SCYL3: variants seen among roughly 807,000 people sequenced by gnomAD.
SCYL3 encodes the protein SCY1 like pseudokinase 3, also known as protein-associating with the carboxyl-terminal domain of ezrin.
SCYL3 carries 35 observed loss-of-function variants against 73.8 expected under a neutral mutation model. The observed-to-expected ratio is 0.47, with a 90% confidence interval of 0.36 to 0.63. The LOEUF (loss-of-function observed/expected upper bound fraction) is 0.63. Among genes scored for constraint, SCYL3 ranks in the 20% least tolerant of loss-of-function variants. SCYL3 has a pLI of 0.00. For synonymous variants in SCYL3, 277 were observed against 295.2 expected (o/e 0.94, Z 0.63); for missense variants, 712 against 798.9 (o/e 0.89, Z 1.31).
intron 1 of SCYL3, among the ~76,000 whole-genome samples, chr1:169,892,192 G>A (rs1314380463): frequency 1.3e-5 from 2 of 152,212 alleles, no homozygotes; most frequent in Non-Finnish European, 2.9e-5. Context: ...TTTTGAAGCA[G>A]TAATTCTTCA....
At chr1:169,865,894 C>A (rs1660001600) in intron 8 of SCYL3, among the ~76,000 whole-genome samples, 1 of 152,174 alleles carries the variant, frequency 6.6e-6, no homozygotes, top group Non-Finnish European at 1.5e-5. Flanking sequence ...CTCCTTCCCA[C>A]CAGCCCCCTT....
chr1:169,873,429 C>T (rs973405923), intron 5 of SCYL3, among the ~76,000 whole-genome samples: 8 of 152,296 alleles, frequency 5.3e-5, no homozygotes, highest in Admixed American at 5.2e-4. Flanking sequence ...ACTAATACAA[C>T]TACTTATCGT....
Position 169,850,751 on chromosome 1 carries a change from A to G in SCYL3, c.*2962T>C, listed in dbSNP as rs7519364. ...GTAGAGATTGCAGTAAGCCAAGATC[A>G]TGCCACTGCACTCCAGCCTGAGCGA... is the stretch of plus-strand genomic sequence containing the variant. On this transcript the variant is annotated 3_prime_UTR_variant, in exon 13 of 13. Coordinates refer to ENST00000367771, the MANE Select transcript of SCYL3 (RefSeq NM_020423.7). 130,363 of 164,046 alleles carry G rather than the reference A, an allele frequency of 0.79. 52,720 individuals carry two copies. Among genetic ancestry groups the G allele is most frequent in the African/African-American group, 0.95 (39,796 of 41,818 alleles). The allele number at this position is 164,046 out of a possible 1,614,324, so 10.2% of individuals were successfully genotyped here. A position where few individuals can be genotyped will look rare whatever the true frequency, so the allele number is the denominator to read the frequency against.
chr1:169,854,569 T>C lies in SCYL3; in HGVS notation c.1708A>G (p.Ser570Gly). 6.2e-7 allele frequency: 1 copy of C among 1,613,940 alleles called. No individual in the cohort carries two copies. The highest frequency in any genetic ancestry group is 8.5e-7 in the Non-Finnish European group (1 of 1,179,912). The change falls in exon 12 of 13, where the codon AGC becomes GGC. Residue 570 changes from serine (S) to glycine (G), a missense_variant. Around this residue, in one of 2 missense-constraint regions of SCYL3, gnomAD observed 370 missense variants for 350.8 expected, o/e 1.05. Coordinates refer to ENST00000367771, the MANE Select transcript of SCYL3 (RefSeq NM_020423.7). ...GCGTCATCCCCCCTTTGTACAAGGC[T>C]AATCTTTTGGGGTAAGCTTGATTTC... ...PWKSSLPQKI[S>G]LVQRGDDADQ... is the part of the protein sequence containing the mutation.
At chr1:169,868,746 C>A (rs949491883) in intron 7 of SCYL3, among the ~76,000 whole-genome samples, 182 bp downstream of exon 7, 3 of 152,162 alleles carry the variant, frequency 2.0e-5, no homozygotes, top group African/African-American at 7.2e-5. Flanking sequence ...AGGAAACTGA[C>A]AGACAACCCA....
intron 6 of SCYL3, among the ~76,000 whole-genome samples, chr1:169,869,551 T>C (rs556160689): frequency 1.3e-5 from 2 of 152,356 alleles, no homozygotes; most frequent in Non-Finnish European, 2.9e-5. Context: ...ATCAGAACAC[T>C]GCATAAGCCT....
intron 3 of SCYL3, among the ~76,000 whole-genome samples, chr1:169,877,750 C>G (rs1034713576): frequency 1.3e-5 from 2 of 152,174 alleles, no homozygotes; most frequent in Admixed American, 1.3e-4. Context: ...ACTGTACAAA[C>G]TTTTTAACCA....
intron 1 of SCYL3, among the ~76,000 whole-genome samples, chr1:169,891,567 GTC>G (rs1321737201): frequency 6.6e-6 from 1 of 152,194 alleles, no homozygotes; most frequent in Admixed American, 6.5e-5. Flanking sequence ...TAGTCTGACC[GTC>G]TCTCTCTCAC....
intron 2 of SCYL3, among the ~76,000 whole-genome samples, chr1:169,885,600 CTTTT>C (rs763879073): frequency 6.8e-6 from 1 of 147,530 alleles, no homozygotes; most frequent in Non-Finnish European, 1.5e-5. Flanking sequence ...AATGCAGATG[CTTTT>C]TTTTTTGTAA....
At position 169,854,573 on chromosome 1, in the gene SCYL3, C is replaced by T; in HGVS notation, c.1704G>A (p.Lys568=). The T allele has an allele frequency of 6.2e-7, 1 of 1,613,844 alleles. No individual in the cohort carries two copies. The change falls in exon 12 of 13, where the codon AAG becomes AAA. Residue 568 remains lysine (K), a synonymous_variant. Transcript: ENST00000367771. ...SMPWKSSLPQ[K]ISLVQRGDDA... ...CATCCCCCCTTTGTACAAGGCTAAT[C>T]TTTTGGGGTAAGCTTGATTTCCAAG...
At chr1:169,865,359 C>A (rs985580749) in intron 8 of SCYL3, among the ~76,000 whole-genome samples, 1 of 152,176 alleles carries the variant, frequency 6.6e-6, no homozygotes, top group Admixed American at 6.5e-5. Context: ...CAAACCCCTA[C>A]ACCGCTATCA....
At position 169,859,036 on chromosome 1, in the gene SCYL3, C is replaced by T. The variant is rs1659423657; in HGVS notation, c.1312+5G>A. The T allele has an allele frequency of 6.2e-7, 1 of 1,611,280 alleles. No individual in the cohort carries two copies. Among genetic ancestry groups the T allele is most frequent in the South Asian group, 1.1e-5 (1 of 90,432 alleles). On this transcript the variant is annotated splice_donor_5th_base_variant and intron_variant, in intron 11 of 12. Transcript: ENST00000367771. ...CAAAAAGTTAGACCTTTTAATAATTCTTACCTTCTAGAGAAAGGTCAGTAT... is the reference window on the plus strand; with the variant it reads ...CAAAAAGTTAGACCTTTTAATAATTTTTACCTTCTAGAGAAAGGTCAGTAT...
At chr1:169,871,791 T>C (rs566171271) in intron 5 of SCYL3, among the ~76,000 whole-genome samples, 2 of 152,332 alleles carry the variant, frequency 1.3e-5, no homozygotes, top group East Asian at 3.9e-4. Context: ...ACTCTTGTTA[T>C]GTTTTAGCAG....
chr1:169,891,282 G>C (rs1035153426), intron 1 of SCYL3, among the ~76,000 whole-genome samples: 1 of 152,180 alleles, frequency 6.6e-6, no homozygotes, highest in African/African-American at 2.4e-5. Flanking sequence ...TGGGACCGTA[G>C]CTTAGTCATA....
intron 11 of SCYL3, among the ~76,000 whole-genome samples, chr1:169,857,567 C>G (rs1355094137): frequency 6.6e-6 from 1 of 152,096 alleles, no homozygotes; most frequent in Non-Finnish European, 1.5e-5. Flanking sequence ...GATGCAGTAT[C>G]CATGAATAAA....
chr1:169,868,794 T>C, intron 7 of SCYL3, 134 bp downstream of exon 7: 2 of 581,858 alleles, frequency 3.4e-6, no homozygotes, highest in East Asian at 2.8e-5. Context: ...CATGATTCAA[T>C]CTCTCCTAAT....
In SCYL3 at chr1:169,853,114, C is replaced by A; in HGVS notation, c.*599G>T. On this transcript the variant is annotated 3_prime_UTR_variant, in exon 13 of 13. Transcript: ENST00000367771. ...TCTAGTGAAAATAATCTTTATTTGA[C>A]ATTTAGAGAACAGGATTGTGGGGAA... The A allele has an allele frequency of 1.1e-6, 1 of 869,856 alleles. No individual in the cohort carries two copies. Among genetic ancestry groups the A allele is most frequent in the Non-Finnish European group, 1.8e-6 (1 of 559,928 alleles). The allele number at this position is 869,856 out of a possible 1,614,324, so 53.9% of individuals were successfully genotyped here.
In SCYL3 at chr1:169,850,340, G is replaced by A. The variant is rs759237146; in HGVS notation, c.*3373C>T. On this transcript the variant is annotated 3_prime_UTR_variant, in exon 13 of 13. Transcript: ENST00000367771. ...TAAGAACAAAGTTGTATCCTTTCTGGAGAAGGTACTTTCTTTACATGGCTC... is the reference window on the plus strand; with the variant it reads ...TAAGAACAAAGTTGTATCCTTTCTGAAGAAGGTACTTTCTTTACATGGCTC... 1 of 1,601,346 alleles carries A rather than the reference G, an allele frequency of 6.2e-7. No homozygotes were observed. Among genetic ancestry groups the A allele is most frequent in the South Asian group, 1.1e-5 (1 of 90,750 alleles).
chr1:169,885,407 A>G (rs1013487998), intron 2 of SCYL3, among the ~76,000 whole-genome samples: 1 of 152,220 alleles, frequency 6.6e-6, no homozygotes, highest in African/African-American at 2.4e-5. Context: ...GAACTATGCA[A>G]AGTTAACTGA....
Sources: gnomAD v4.1 joint callset for allele counts (sites outside exome capture counted in the v4.1 genomes callset) on GRCh38, gnomAD v4.1.1 for gene constraint, gnomAD v4.1.1 regional missense constraint, MANE v1.5 for transcripts, NCBI Gene and HGNC (gene_info 2026-07-23, HGNC 2026-07-21) for gene names.